The following MAML3 variants were observed in gnomAD, a reference collection of about 807,000 sequenced individuals.
MAML3 encodes mastermind like transcriptional coactivator 3.
A neutral mutation model predicts 101.9 loss-of-function variants in MAML3; 27 were observed. The ratio of observed to expected loss-of-function variants is 0.27; its 90% confidence interval spans 0.20 to 0.37. The LOEUF (loss-of-function observed/expected upper bound fraction) is 0.37, where lower values mean the gene tolerates loss of function less well. Among genes scored for constraint, MAML3 ranks in the 10% least tolerant of loss-of-function variants. The probability of loss-of-function intolerance (pLI) is 1.00; values close to 1 mark genes in which losing one functional copy is unlikely to be tolerated. For synonymous variants in MAML3, 501 were observed against 555.9 expected, an observed-to-expected ratio of 0.90 and a Z score of 1.39; for missense variants, 1,316 against 1,444.9, an observed-to-expected ratio of 0.91 and a Z score of 1.45.
intron 1 of MAML3, among the ~76,000 whole-genome samples, chr4:139,991,471 A>G (rs190965247): frequency 6.6e-6 from 1 of 152,314 alleles, no homozygotes; most frequent in Non-Finnish European, 1.5e-5. Context: ...CTAGGTCACC[A>G]AACTATTTCT....
At chr4:139,832,093 C>CTTTTTTTTTTTTTTTTT (rs1337533072) in intron 2 of MAML3, among the ~76,000 whole-genome samples, 2 of 98,402 alleles carry the variant, frequency 2.0e-5, no homozygotes, top group Non-Finnish European at 4.5e-5. Flanking sequence ...ATGCCCAGCC[C>CTTTTTTTTTTTTTTTTT]CTTTTTTTTT....
Position 139,879,264 on chromosome 4 carries a change from G to A in MAML3, c.2079+10093C>T, listed in dbSNP as rs368078630. On this transcript the variant is annotated intron_variant, in intron 2 of 4. Transcript: ENST00000509479. ...GTGGTGGCCGGGTGCAGTGGCTCAC[G>A]CTTGTAATTCCAGCAATCTGGGAAG... 1.6e-3 allele frequency among the ~76,000 whole-genome samples: 249 copies of A among 152,156 alleles called. 1 individual carries two copies. The Middle Eastern group carries it at 0.02, about 12-fold the overall frequency.
chr4:139,848,693 T>C (rs1009024751), intron 2 of MAML3, among the ~76,000 whole-genome samples: 1 of 152,224 alleles, frequency 6.6e-6, no homozygotes, highest in African/African-American at 2.4e-5. Context: ...TTACGTCTTA[T>C]ATAAATAAAC....
rs2111196550 is a variant in MAML3 at position 139,889,480 on chromosome 4, T to C, written c.1956A>G (p.Pro652=). The C allele has an allele frequency of 6.2e-7, 1 of 1,611,188 alleles. No homozygotes were observed. Among genetic ancestry groups the C allele is most frequent in the Non-Finnish European group, 8.5e-7 (1 of 1,178,058 alleles). ...QQQQQQQQQP[P]PPQLQAPRAH... Reference sequence around the variant, plus strand: ...CCCTGGGGGCCTGGAGCTGTGGAGGTGGCGGCTGCTGCTGCTGCTGCTGCT... The same window carrying C: ...CCCTGGGGGCCTGGAGCTGTGGAGGCGGCGGCTGCTGCTGCTGCTGCTGCT... Residue 652 remains proline (P), a synonymous_variant, in exon 2 of 5, where the codon CCA becomes CCG. Coordinates refer to ENST00000509479, the MANE Select transcript of MAML3 (RefSeq NM_018717.5).
chr4:139,738,241 G>A (rs1729021480), intron 2 of MAML3, among the ~76,000 whole-genome samples: 1 of 152,202 alleles, frequency 6.6e-6, no homozygotes, highest in South Asian at 2.1e-4. Context: ...AAATAAAGGG[G>A]AACAAGACTT....
intron 2 of MAML3, among the ~76,000 whole-genome samples, chr4:139,772,076 T>C (rs935298653): frequency 2.7e-5 from 4 of 150,214 alleles, no homozygotes; most frequent in East Asian, 2.0e-4. Flanking sequence ...CCGTCTCTAC[T>C]AAAAATACAA....
At chr4:140,100,299 T>C (rs753402143) in intron 1 of MAML3, among the ~76,000 whole-genome samples, 1 of 152,196 alleles carries the variant, frequency 6.6e-6, no homozygotes, top group African/African-American at 2.4e-5. Context: ...AAGTTTATTA[T>C]TTAAACTTTT....
chr4:140,059,023 G>GT (rs374134414), intron 1 of MAML3, among the ~76,000 whole-genome samples: 1 of 152,082 alleles, frequency 6.6e-6, no homozygotes, highest in Non-Finnish European at 1.5e-5. Context: ...GGTGAAGATT[G>GT]TTTTTTTCAA....
rs531679074 is a variant in MAML3 at position 140,088,704 on chromosome 4, TG to T, written c.468+64155del. On this transcript the variant is annotated intron_variant, in intron 1 of 4. Coordinates refer to ENST00000509479, the MANE Select transcript of MAML3 (RefSeq NM_018717.5). ...AAACGCATTGCCAGGAGCTCTTCAC[TG>T]GTATCTCCTTTGGTATTTAAAAGCT... Among the ~76,000 whole-genome samples the T allele has an allele frequency of 2.0e-3, 299 of 152,214 alleles. 1 individual carries two copies. Among genetic ancestry groups the T allele is most frequent in the African/African-American group, 6.9e-3 (288 of 41,538 alleles).
intron 2 of MAML3, among the ~76,000 whole-genome samples, chr4:139,755,699 A>C (rs905855142): frequency 6.6e-6 from 1 of 152,192 alleles, no homozygotes; most frequent in Non-Finnish European, 1.5e-5. Flanking sequence ...TATTAAGTAA[A>C]CATTGACACA....
intron 2 of MAML3, among the ~76,000 whole-genome samples, chr4:139,877,447 C>T (rs1408562208): frequency 6.6e-6 from 1 of 151,836 alleles, no homozygotes; most frequent in East Asian, 1.9e-4. Context: ...TTAAAGTGTG[C>T]TCCAAAAGAC....
At chr4:139,902,496 G>C (rs1039977431) in intron 1 of MAML3, among the ~76,000 whole-genome samples, 5 of 152,176 alleles carry the variant, frequency 3.3e-5, no homozygotes, top group African/African-American at 1.2e-4. Flanking sequence ...GGCAGGAGGA[G>C]AGAATTTTTC....
intron 1 of MAML3, among the ~76,000 whole-genome samples, chr4:139,902,432 A>T (rs756756118): frequency 2.0e-5 from 3 of 152,212 alleles, no homozygotes; most frequent in Non-Finnish European, 2.9e-5. Context: ...CCAATTACGG[A>T]ACTGTCATTA....
chr4:140,068,725 G>A (rs1459604354), intron 1 of MAML3, among the ~76,000 whole-genome samples: 1 of 152,150 alleles, frequency 6.6e-6, no homozygotes. Context: ...GATTTAATAT[G>A]TAAATACCTA....
chr4:140,113,344 T>C (rs927999016), intron 1 of MAML3, among the ~76,000 whole-genome samples: 1 of 152,130 alleles, frequency 6.6e-6, no homozygotes, highest in Non-Finnish European at 1.5e-5. Flanking sequence ...ATATGAAATT[T>C]CTAGGGCCCC....
intron 2 of MAML3, among the ~76,000 whole-genome samples, chr4:139,754,437 G>C (rs1377984387): frequency 2.0e-5 from 3 of 152,112 alleles, no homozygotes; most frequent in Non-Finnish European, 4.4e-5. Flanking sequence ...ACAAGACAAG[G>C]ATCATAGCTG....
chr4:139,825,765 GA>G (rs10572822), intron 2 of MAML3, among the ~76,000 whole-genome samples: 6,487 of 145,364 alleles, frequency 0.045, 449 homozygotes, highest in African/African-American at 0.15. Flanking sequence ...AGAGAAGAAG[GA>G]AAAAAAAAAA....
At chr4:139,862,889 C>T (rs1454314784) in intron 2 of MAML3, among the ~76,000 whole-genome samples, 2 of 152,174 alleles carry the variant, frequency 1.3e-5, no homozygotes, top group Middle Eastern at 3.2e-3. Context: ...GGACCCTTCT[C>T]AGGCTGTCAA....
chr4:139,794,041 A>G lies in MAML3; in HGVS notation c.2080-63374T>C, dbSNP rs551232532. The G allele has an allele frequency of 3.9e-5, 6 of 152,356 alleles. No homozygotes were observed. The East Asian group carries it at 1.2e-3, about 29-fold the overall frequency. The allele number at this position is 152,356 out of a possible 1,614,324, so 9.4% of individuals were successfully genotyped here. ...AGTCCTACATGGATATTCCATATTC[A>G]TGGCTGTGATCCCCTGGCCTTGTTA... On this transcript the variant is annotated intron_variant, in intron 2 of 4. Transcript: ENST00000509479.
Sources: gnomAD v4.1 joint callset for allele counts (sites outside exome capture counted in the v4.1 genomes callset) on GRCh38, gnomAD v4.1.1 for gene constraint, MANE v1.5 for transcripts, NCBI Gene and HGNC (gene_info 2026-07-23, HGNC 2026-07-21) for gene names.